SPMAP2L: variants seen among roughly 807,000 people sequenced by gnomAD.
The protein encoded by SPMAP2L is sperm microtubule associated protein 2-like.
At chr4:56,557,358 C>G in the SPMAP2L span, among the ~76,000 whole-genome samples, 1 of 151,860 alleles carries the variant, frequency 6.6e-6, no homozygotes, top group Non-Finnish European at 1.5e-5. Context: ...TCTCAAAGGC[C>G]AGCGAAGAAA....
the SPMAP2L span, chr4:56,575,768 G>C: frequency 1.1e-6 from 1 of 886,864 alleles, no homozygotes; most frequent in Non-Finnish European, 1.6e-6. Context: ...AAAGCATCAG[G>C]TAAAAAATCA....
At chr4:56,617,137 T>C in the SPMAP2L span, among the ~76,000 whole-genome samples, 2 of 152,198 alleles carry the variant, frequency 1.3e-5, no homozygotes, top group East Asian at 3.9e-4. Flanking sequence ...CATCATAGAG[T>C]GTACTTGCGC....
chr4:56,563,736 T>A, the SPMAP2L span, among the ~76,000 whole-genome samples: 1 of 152,182 alleles, frequency 6.6e-6, no homozygotes, highest in African/African-American at 2.4e-5. Flanking sequence ...TACCCAACTC[T>A]GCCATTATAG....
chr4:56,540,610 G>A, the SPMAP2L span, among the ~76,000 whole-genome samples: 1 of 150,972 alleles, frequency 6.6e-6, no homozygotes, highest in Non-Finnish European at 1.5e-5. Context: ...AAGAAAGAGA[G>A]AGAAAGAAGG....
At chr4:56,619,102 T>C in the SPMAP2L span, among the ~76,000 whole-genome samples, 1 of 152,344 alleles carries the variant, frequency 6.6e-6, no homozygotes, top group Non-Finnish European at 1.5e-5. Context: ...GTTTAATTTA[T>C]AAATTAGGCA....
At chr4:56,578,818 A>G in the SPMAP2L span, among the ~76,000 whole-genome samples, 2 of 151,990 alleles carry the variant, frequency 1.3e-5, no homozygotes, top group African/African-American at 4.8e-5. Context: ...TGGATGCAGT[A>G]TCTCACACCA....
At chr4:56,561,897 T>G in the SPMAP2L span, among the ~76,000 whole-genome samples, 1 of 152,246 alleles carries the variant, frequency 6.6e-6, no homozygotes, top group East Asian at 1.9e-4. Flanking sequence ...CTAATTTTTG[T>G]ATTTTTAATA....
At chr4:56,554,096 A>G in the SPMAP2L span, among the ~76,000 whole-genome samples, 1 of 151,778 alleles carries the variant, frequency 6.6e-6, no homozygotes, top group Non-Finnish European at 1.5e-5. Flanking sequence ...TTATCCATTT[A>G]CCTATTTAAG....
chr4:56,625,978 C>T, the SPMAP2L span, among the ~76,000 whole-genome samples: 11 of 152,166 alleles, frequency 7.2e-5, no homozygotes, highest in Non-Finnish European at 7.4e-5. Context: ...GTGGGTTGGC[C>T]ACACTGGTCC....
At chr4:56,584,452 C>T in the SPMAP2L span, 1 of 1,269,792 alleles carries the variant, frequency 7.9e-7, no homozygotes, top group Non-Finnish European at 1.1e-6. Flanking sequence ...GTTGTTGTTT[C>T]TCCATCCAAC....
the SPMAP2L span, chr4:56,594,908 A>G: frequency 6.2e-7 from 1 of 1,611,476 alleles, no homozygotes; most frequent in African/African-American, 1.3e-5. Flanking sequence ...CTCGCACCTA[A>G]ATCTTCACAA....
chr4:56,594,501 C>T, the SPMAP2L span: 1 of 1,607,206 alleles, frequency 6.2e-7, no homozygotes. Context: ...TGTTTCCAGC[C>T]AAACAGGGGA....
the SPMAP2L span, among the ~76,000 whole-genome samples, chr4:56,537,007 G>T: frequency 1.3e-5 from 2 of 151,988 alleles, no homozygotes; most frequent in Non-Finnish European, 2.9e-5. Context: ...TAGGTGATCC[G>T]CTCACCTCAG....
the SPMAP2L span, among the ~76,000 whole-genome samples, chr4:56,585,239 T>C: frequency 2.0e-5 from 3 of 152,232 alleles, no homozygotes; most frequent in Non-Finnish European, 4.4e-5. Context: ...AGATTCTGGG[T>C]CTGGTTTTCA....
chr4:56,563,607 T>C, the SPMAP2L span, among the ~76,000 whole-genome samples: 1 of 152,164 alleles, frequency 6.6e-6, no homozygotes, highest in Admixed American at 6.5e-5. Flanking sequence ...TCAGATAAAA[T>C]ACCAGTTTAA....
At chr4:56,541,119 A>G in the SPMAP2L span, among the ~76,000 whole-genome samples, 566 of 152,342 alleles carry the variant, frequency 3.7e-3, 2 homozygotes, top group Non-Finnish European at 5.6e-3. Flanking sequence ...AATCACTATG[A>G]ACAAATGTTG....
chr4:56,612,146 T>G, the SPMAP2L span, among the ~76,000 whole-genome samples: 1 of 152,146 alleles, frequency 6.6e-6, no homozygotes, highest in Non-Finnish European at 1.5e-5. Flanking sequence ...GACACATAGA[T>G]TAGAAGACAC....
chr4:56,532,762 T>A, the SPMAP2L span, among the ~76,000 whole-genome samples: 5 of 152,222 alleles, frequency 3.3e-5, no homozygotes, highest in African/African-American at 7.2e-5. Context: ...TCATCATGCA[T>A]GGAGATTTCA....
chr4:56,607,503 T>A, the SPMAP2L span, among the ~76,000 whole-genome samples: 3 of 152,096 alleles, frequency 2.0e-5, no homozygotes, highest in African/African-American at 7.2e-5. Context: ...TACCTAAAAA[T>A]GTAAAAACAG....
Sources: allele counts gnomAD v4.1 joint callset (sites outside exome capture counted in the v4.1 genomes callset), GRCh38; gene constraint gnomAD v4.1.1; transcripts MANE v1.5; gene names NCBI Gene and HGNC (gene_info 2026-07-23, HGNC 2026-07-21).